NOS1AP: variants seen among roughly 807,000 people sequenced by gnomAD.
NOS1AP encodes carboxyl-terminal PDZ ligand of neuronal nitric oxide synthase protein.
In NOS1AP, 21 loss-of-function variants were observed where a neutral mutation model predicts 56.2. The ratio of observed to expected loss-of-function variants is 0.37; its 90% CI spans 0.26 to 0.54. The LOEUF (loss-of-function observed/expected upper bound fraction) is 0.54, where lower values mean the gene tolerates loss of function less well. Ranked by LOEUF, NOS1AP falls within the 20% of genes least tolerant of loss-of-function variation. NOS1AP has a pLI of 0.84. For missense variants in NOS1AP, 522 were observed against 657.8 expected (o/e 0.79, Z 2.26); for synonymous variants, 270 against 274.6 (o/e 0.98, Z 0.17).
At chr1:162,344,416 C>T (rs534779128) in intron 6 of NOS1AP, among the ~76,000 whole-genome samples, 3 of 150,088 alleles carry the variant, frequency 2.0e-5, no homozygotes, top group South Asian at 4.2e-4. Context: ...GGAAGGAGGC[C>T]GGGCGCAGTG....
chr1:162,248,118 A>AAT (rs141094392), intron 2 of NOS1AP, among the ~76,000 whole-genome samples: 57 of 150,810 alleles, frequency 3.8e-4, no homozygotes, highest in African/African-American at 9.0e-4. Context: ...TCCCACCTCT[A>AAT]ATATATATAT....
intron 8 of NOS1AP, chr1:162,363,889 T>C (rs754761080): frequency 7.1e-6 from 7 of 985,296 alleles, no homozygotes; most frequent in South Asian, 4.7e-5. Context: ...ACAGATTTAG[T>C]TTAAATTCCT....
chr1:162,339,058 A>G (rs890349139), intron 5 of NOS1AP, among the ~76,000 whole-genome samples: 5 of 152,200 alleles, frequency 3.3e-5, no homozygotes, highest in African/African-American at 1.2e-4. Flanking sequence ...GGTGGTTTGA[A>G]GAAACATTGC....
intron 2 of NOS1AP, among the ~76,000 whole-genome samples, chr1:162,198,973 C>T (rs79725159): frequency 0.018 from 2,702 of 152,240 alleles, 83 homozygotes; most frequent in African/African-American, 0.061. Flanking sequence ...TTTTACCCCT[C>T]CGCATAATGC....
intron 2 of NOS1AP, among the ~76,000 whole-genome samples, chr1:162,212,611 T>G (rs947334291): frequency 3.3e-5 from 5 of 152,020 alleles, no homozygotes; most frequent in African/African-American, 1.2e-4. Flanking sequence ...GTAAGGGATA[T>G]AGGATAAGAA....
chr1:162,168,516 G>C (rs894073859), intron 2 of NOS1AP, among the ~76,000 whole-genome samples: 13 of 152,238 alleles, frequency 8.5e-5, no homozygotes, highest in Middle Eastern at 3.2e-3. Flanking sequence ...AGGCTGCTCA[G>C]AGGGAGAATG....
At chr1:162,248,887 C>A (rs74128721) in intron 2 of NOS1AP, among the ~76,000 whole-genome samples, 2,520 of 152,180 alleles carry the variant, frequency 0.017, 61 homozygotes, top group African/African-American at 0.057. Context: ...AAATCCAACT[C>A]TTCTTGTTTC....
intron 2 of NOS1AP, among the ~76,000 whole-genome samples, chr1:162,197,430 A>T (rs905509938): frequency 6.6e-6 from 1 of 152,104 alleles, no homozygotes; most frequent in South Asian, 2.1e-4. Context: ...GGCAGCCGGG[A>T]TGTACTGGCT....
intron 3 of NOS1AP, among the ~76,000 whole-genome samples, chr1:162,290,128 C>T (rs924569673): frequency 1.3e-5 from 2 of 152,204 alleles, no homozygotes; most frequent in African/African-American, 2.4e-5. Flanking sequence ...TTTGAAACTA[C>T]GTCCTGGGTA....
chr1:162,194,203 A>G (rs920797673), intron 2 of NOS1AP, among the ~76,000 whole-genome samples: 3 of 152,136 alleles, frequency 2.0e-5, no homozygotes, highest in African/African-American at 7.2e-5. Context: ...CAAGACCCCT[A>G]TATGTCCCCT....
At chr1:162,343,483 C>T (rs573419170) in intron 5 of NOS1AP, among the ~76,000 whole-genome samples, 1 of 152,164 alleles carries the variant, frequency 6.6e-6, no homozygotes, top group Admixed American at 6.5e-5. Context: ...AAATGATAGC[C>T]GAGTTCCTCT....
intron 1 of NOS1AP, among the ~76,000 whole-genome samples, chr1:162,114,862 T>C (rs557248014): frequency 4.6e-5 from 7 of 152,280 alleles, no homozygotes; most frequent in Admixed American, 4.6e-4. Flanking sequence ...AAATCGGAAG[T>C]TGTTGTAGGG....
chr1:162,250,215 G>A (rs1653804706), intron 2 of NOS1AP, among the ~76,000 whole-genome samples: 1 of 152,160 alleles, frequency 6.6e-6, no homozygotes, highest in Admixed American at 6.5e-5. Flanking sequence ...ACAGTTCTAG[G>A]AATTTTCTGT....
chr1:162,230,829 C>T (rs1026439882), intron 2 of NOS1AP, among the ~76,000 whole-genome samples: 1 of 152,108 alleles, frequency 6.6e-6, no homozygotes, highest in African/African-American at 2.4e-5. Flanking sequence ...CGAATTTCCT[C>T]CTTTTAAAGG....
chr1:162,328,350 G>C (rs1433977037), intron 4 of NOS1AP, among the ~76,000 whole-genome samples: 1 of 152,200 alleles, frequency 6.6e-6, no homozygotes. Context: ...TCCTGCACAT[G>C]TACCCCGGAA....
At chr1:162,256,813 C>T (rs1030720605) in intron 2 of NOS1AP, among the ~76,000 whole-genome samples, 1 of 152,100 alleles carries the variant, frequency 6.6e-6, no homozygotes, top group Middle Eastern at 3.2e-3. Context: ...GCCAGGGACG[C>T]CTTTTTTTTG....
Position 162,354,395 on chromosome 1 carries a change from A to G in NOS1AP, c.596-792A>G, listed in dbSNP as rs549083715. ...CCAGAAATAGGATCAAGGAAGGAAG[A>G]TAAGTAGGAAATAGCAGGGCTTTCA... On this transcript the variant is annotated intron_variant, in intron 6 of 9. Transcript: ENST00000361897. 8.5e-5 allele frequency among the ~76,000 whole-genome samples: 13 copies of G among 152,268 alleles called. No individual in the cohort carries two copies. The East Asian group carries it at 2.3e-3, about 27-fold the overall frequency.
intron 2 of NOS1AP, among the ~76,000 whole-genome samples, chr1:162,251,404 G>T (rs1324065606): frequency 6.6e-6 from 1 of 151,988 alleles, no homozygotes; most frequent in Admixed American, 6.6e-5. Flanking sequence ...ATGTGTCCTT[G>T]TCCTGTTTCT....
At chr1:162,259,895 C>T (rs74350281) in intron 2 of NOS1AP, among the ~76,000 whole-genome samples, 4,135 of 152,130 alleles carry the variant, frequency 0.027, 66 homozygotes, top group Middle Eastern at 0.065. Context: ...AAAATCTGTA[C>T]TCTGTTGTTT....
Sources: allele counts gnomAD v4.1 joint callset (sites outside exome capture counted in the v4.1 genomes callset), GRCh38; gene constraint gnomAD v4.1.1; transcripts MANE v1.5; gene names NCBI Gene and HGNC (gene_info 2026-07-23, HGNC 2026-07-21).